NAALADL2: variants seen among roughly 807,000 people sequenced by gnomAD.
NAALADL2 encodes the protein N-acetylated alpha-linked acidic dipeptidase like 2.
NAALADL2 carries 76 observed loss-of-function variants against 87.2 expected under a neutral mutation model. The observed-to-expected ratio is 0.87, with a 90% CI of 0.72 to 1.05. NAALADL2 has a LOEUF of 1.05. Ranked by LOEUF, NAALADL2 falls within the 50% of genes least tolerant of loss-of-function variation. NAALADL2 has a pLI of 0.00. For synonymous variants in NAALADL2, 354 were observed against 331.0 expected (o/e 1.07, Z -0.75); for missense variants, 1,089 against 945.8 (o/e 1.15, Z -1.99).
At chr3:174,480,836 G>A (rs892291416) in intron 1 of NAALADL2, among the ~76,000 whole-genome samples, 12 of 152,020 alleles carry the variant, frequency 7.9e-5, no homozygotes, top group Non-Finnish European at 1.6e-4. Context: ...TCCAACTAAA[G>A]TAGATGCCCA....
At chr3:175,603,912 T>C (rs1028246790) in intron 10 of NAALADL2, among the ~76,000 whole-genome samples, 3 of 152,102 alleles carry the variant, frequency 2.0e-5, no homozygotes, top group African/African-American at 7.2e-5. Flanking sequence ...GAAGATCACC[T>C]GAGCCCAGGA....
intron 4 of NAALADL2, among the ~76,000 whole-genome samples, chr3:175,296,368 A>G (rs1304937267): frequency 2.6e-5 from 4 of 152,140 alleles, no homozygotes; most frequent in African/African-American, 4.8e-5. Flanking sequence ...CATGAAGACA[A>G]TCTATCTCAA....
intron 1 of NAALADL2, among the ~76,000 whole-genome samples, chr3:174,510,420 T>C (rs1257817411): frequency 6.6e-6 from 1 of 152,156 alleles, no homozygotes; most frequent in Non-Finnish European, 1.5e-5. Context: ...TTAACATCTT[T>C]CTTTGAGAAT....
At chr3:175,622,988 A>G (rs1053682825) in intron 10 of NAALADL2, among the ~76,000 whole-genome samples, 4 of 152,096 alleles carry the variant, frequency 2.6e-5, no homozygotes, top group African/African-American at 7.2e-5. Flanking sequence ...GTTGTGAACA[A>G]TTTGAAAACA....
intron 1 of NAALADL2, among the ~76,000 whole-genome samples, chr3:175,043,840 A>G (rs992158858): frequency 1.3e-5 from 2 of 152,174 alleles, no homozygotes; most frequent in African/African-American, 2.4e-5. Context: ...CTACTTGCTT[A>G]AGATTGCTTT....
chr3:175,147,425 C>G (rs1405170658), intron 2 of NAALADL2, among the ~76,000 whole-genome samples: 1 of 152,064 alleles, frequency 6.6e-6, no homozygotes, highest in African/African-American at 2.4e-5. Flanking sequence ...TGGTTTTGTT[C>G]TTTTTTGTGG....
chr3:175,373,248 T>G (rs1050828259), intron 5 of NAALADL2, among the ~76,000 whole-genome samples: 2 of 152,196 alleles, frequency 1.3e-5, no homozygotes, highest in Non-Finnish European at 2.9e-5. Context: ...AGTTGTATAA[T>G]CATGACCACA....
chr3:175,430,647 C>A (rs1717592522), intron 5 of NAALADL2, among the ~76,000 whole-genome samples: 1 of 151,962 alleles, frequency 6.6e-6, no homozygotes. Flanking sequence ...TGTGTCTCTA[C>A]ACGTTATTAT....
intron 2 of NAALADL2, among the ~76,000 whole-genome samples, chr3:175,152,555 C>T (rs1030394546): frequency 6.6e-6 from 1 of 152,068 alleles, no homozygotes; most frequent in Non-Finnish European, 1.5e-5. Flanking sequence ...AAACAAGGAT[C>T]TGGTAGTGGT....
intron 4 of NAALADL2, among the ~76,000 whole-genome samples, chr3:175,290,183 A>C (rs1224364314): frequency 6.6e-6 from 1 of 152,198 alleles, no homozygotes; most frequent in Non-Finnish European, 1.5e-5. Context: ...ATAACCTATA[A>C]TTTCTAGTCC....
intron 11 of NAALADL2, among the ~76,000 whole-genome samples, chr3:175,690,049 A>G (rs992320315): frequency 6.6e-6 from 1 of 152,148 alleles, no homozygotes; most frequent in African/African-American, 2.4e-5. Flanking sequence ...GAAGACAATT[A>G]GTATGTACAC....
chr3:175,745,372 C>G (rs1344694056), intron 12 of NAALADL2, among the ~76,000 whole-genome samples: 1 of 152,178 alleles, frequency 6.6e-6, no homozygotes, highest in Non-Finnish European at 1.5e-5. Context: ...ATACTTGTGA[C>G]AAAAAATGAA....
intron 1 of NAALADL2, among the ~76,000 whole-genome samples, chr3:174,472,175 C>T (rs1002087759): frequency 1.3e-4 from 20 of 152,152 alleles, no homozygotes; most frequent in African/African-American, 4.6e-4. Context: ...TATAATTATT[C>T]ATGTAAGACA....
At chr3:175,202,055 T>G (rs1486767164) in intron 2 of NAALADL2, among the ~76,000 whole-genome samples, 1 of 152,198 alleles carries the variant, frequency 6.6e-6, no homozygotes, top group Non-Finnish European at 1.5e-5. Context: ...ATTTATTTTT[T>G]TTTTTACATA....
At chr3:175,717,324 T>G (rs1207813775) in intron 11 of NAALADL2, among the ~76,000 whole-genome samples, 1 of 152,140 alleles carries the variant, frequency 6.6e-6, no homozygotes, top group Admixed American at 6.6e-5. Context: ...CACTAAATTA[T>G]TCTCTCAATT....
intron 2 of NAALADL2, among the ~76,000 whole-genome samples, chr3:174,606,611 G>A (rs778659172): frequency 6.6e-6 from 1 of 152,000 alleles, no homozygotes; most frequent in Non-Finnish European, 1.5e-5. Flanking sequence ...AAGAAGGGAA[G>A]TTTAGAGAAA....
intron 2 of NAALADL2, among the ~76,000 whole-genome samples, chr3:174,578,187 G>T (rs1715756381): frequency 6.6e-6 from 1 of 151,948 alleles, no homozygotes; most frequent in Non-Finnish European, 1.5e-5. Flanking sequence ...AGAAAAAGAG[G>T]AGAGAAATAA....
In NAALADL2 at chr3:175,361,798, G is replaced by T. The variant is rs142502234; in HGVS notation, c.1090+37473G>T. Among the ~76,000 whole-genome samples the T allele has an allele frequency of 8.1e-5, 12 of 147,782 alleles. 1 individual carries two copies. Among genetic ancestry groups the T allele is most frequent in the Non-Finnish European group, 1.2e-4 (8 of 66,494 alleles). On this transcript the variant is annotated intron_variant, in intron 5 of 13. Coordinates refer to ENST00000454872, the MANE Select transcript of NAALADL2 (RefSeq NM_207015.3). ...TGTCAGATGGGTAGATTGTAAAAAT[G>T]TTCTCCCATTCTGTAGGTTGCCTGC...
intron 2 of NAALADL2, among the ~76,000 whole-genome samples, chr3:174,592,818 C>G (rs2108590115): frequency 6.6e-6 from 1 of 151,900 alleles, no homozygotes; most frequent in Middle Eastern, 3.4e-3. Flanking sequence ...TGACCTAGAC[C>G]TACTTTTTTT....
Sources: gnomAD v4.1 joint callset for allele counts (sites outside exome capture counted in the v4.1 genomes callset) on GRCh38, gnomAD v4.1.1 for gene constraint, MANE v1.5 for transcripts, NCBI Gene and HGNC (gene_info 2026-07-23, HGNC 2026-07-21) for gene names.